COL4A5: variants seen among roughly 807,000 people sequenced by gnomAD.
COL4A5 encodes collagen alpha-5(IV) chain.
A neutral mutation model predicts 130.2 loss-of-function variants in COL4A5; 26 were observed. That is an observed-to-expected ratio of 0.20 (90% CI 0.15 to 0.28). The LOEUF (loss-of-function observed/expected upper bound fraction) is 0.28. COL4A5 is among the 10% of genes least tolerant of loss of function. The pLI, the probability that COL4A5 is intolerant of heterozygous loss-of-function variation, is 1.00. For missense variants in COL4A5, 1,131 were observed against 1,344.3 expected, an observed-to-expected ratio of 0.84 and a Z score of 2.48; for synonymous variants, 496 against 439.6, an observed-to-expected ratio of 1.13 and a Z score of -1.60.
intron 29 of COL4A5, among the ~76,000 whole-genome samples, chrX:108,607,121 C>A (rs1195742532): frequency 9.9e-5 from 11 of 110,696 alleles, no homozygotes; most frequent in Non-Finnish European, 2.1e-4. Context: ...AATCCCAGCA[C>A]TTTGGGAGGC....
intron 1 of COL4A5, among the ~76,000 whole-genome samples, chrX:108,469,053 C>A (rs2064737645): frequency 9.4e-6 from 1 of 106,890 alleles, no homozygotes; most frequent in Non-Finnish European, 1.9e-5. Context: ...TTCAGATTTT[C>A]TATTTTTTCT....
At chrX:108,532,974 A>G (rs751019421) in intron 1 of COL4A5, among the ~76,000 whole-genome samples, 1 of 111,975 alleles carries the variant, frequency 8.9e-6, no homozygotes, top group African/African-American at 3.2e-5. Flanking sequence ...AAAGGAATCT[A>G]TACATTCAAC....
chrX:108,511,758 AAAG>A (rs2147592029), intron 1 of COL4A5, among the ~76,000 whole-genome samples: 1 of 112,143 alleles, frequency 8.9e-6, no homozygotes, highest in Admixed American at 9.5e-5. Context: ...ATCAGGTGCA[AAAG>A]AATAAAGTTG....
At chrX:108,474,077 A>G (rs899817983) in intron 1 of COL4A5, among the ~76,000 whole-genome samples, 2 of 111,189 alleles carry the variant, frequency 1.8e-5, no homozygotes, top group African/African-American at 6.5e-5. Flanking sequence ...GAAGGAAGAA[A>G]TTTTTTATGA....
chrX:108,623,123 A>T (rs929204318), intron 33 of COL4A5, among the ~76,000 whole-genome samples: 7 of 112,282 alleles, frequency 6.2e-5, no homozygotes, highest in African/African-American at 2.3e-4. Context: ...GGAAAAGGAT[A>T]TATAGCCACA....
intron 2 of COL4A5, among the ~76,000 whole-genome samples, chrX:108,555,319 T>A (rs1300411448): frequency 2.7e-5 from 3 of 112,218 alleles, no homozygotes; most frequent in Non-Finnish European, 5.6e-5. Context: ...AGTATCTCCA[T>A]TTTGACAGTC....
rs181834242 is a variant in COL4A5 at position 108,508,896 on chromosome X, A to G, written c.82-30850A>G. 3.7e-4 allele frequency among the ~76,000 whole-genome samples: 42 copies of G among 112,127 alleles called. No homozygotes were observed. In the East Asian group the frequency reaches 8.1e-3, roughly 22 times the overall value. On this transcript the variant is annotated intron_variant, in intron 1 of 52. Coordinates refer to ENST00000328300, the MANE Select transcript of COL4A5 (RefSeq NM_033380.3). ...AAATTGGACCCCTTCCTTACATCAC[A>G]TACAAAAATCAACTCAAAATGTATT...
intron 36 of COL4A5, chrX:108,627,340 T>A: frequency 1.4e-6 from 1 of 726,221 alleles, no homozygotes; most frequent in Non-Finnish European, 1.6e-6. Context: ...AGGCCCACTG[T>A]CAATAGTTGA....
Position 108,578,364 on chromosome X carries a change from A to G in COL4A5, c.761A>G (p.Glu254Gly), listed in dbSNP as rs773050994. ...GAACAGAAAAGACCAATTGATGTAGAGTTTCAGAAAGGAGATCAGGTGAGT... is the reference window on the plus strand; with the variant it reads ...GAACAGAAAAGACCAATTGATGTAGGGTTTCAGAAAGGAGATCAGGTGAGT... ...ISEQKRPIDV[E>G]FQKGDQGLPG... The change falls in exon 13 of 53, where the codon GAG (glutamate) becomes GGG (glycine). Residue 254 changes from glutamate (E) to glycine (G), a missense_variant. Coordinates refer to ENST00000328300, the MANE Select transcript of COL4A5 (RefSeq NM_033380.3). 8.3e-7 allele frequency: 1 copy of G among 1,202,737 alleles called. No homozygotes were observed. The highest frequency in any genetic ancestry group is 1.8e-5 in the South Asian group (1 of 56,651).
intron 42 of COL4A5, among the ~76,000 whole-genome samples, chrX:108,673,203 C>T (rs945057059): frequency 2.7e-5 from 3 of 111,558 alleles, no homozygotes; most frequent in Non-Finnish European, 5.6e-5. Flanking sequence ...TTAAAACATT[C>T]CTGTGAGGGA....
rs112785077 is a variant in COL4A5 at position 108,599,840 on chromosome X, A to G, written c.1948+970A>G. Among the ~76,000 whole-genome samples the G allele has an allele frequency of 7.1e-3, 801 of 112,408 alleles. 4 individuals are homozygous for G. The highest frequency in any genetic ancestry group is 0.037 in the East Asian group (131 of 3,573). On this transcript the variant is annotated intron_variant, in intron 25 of 52. Coordinates refer to ENST00000328300, the MANE Select transcript of COL4A5 (RefSeq NM_033380.3). ...CCTAAAGTATTTACTCTGGTCCTTTACACAAAAGGCTTACCAATACCTGGG... is the reference window on the plus strand; with the variant it reads ...CCTAAAGTATTTACTCTGGTCCTTTGCACAAAAGGCTTACCAATACCTGGG...
chrX:108,626,668 G>A lies in COL4A5; in HGVS notation c.3246+319G>A. ...TCCCTTTTTAGTGATGGAGTTGTTGGCCTTTGTCCTAATGTTATTATTAAC... is the reference window on the plus strand; with the variant it reads ...TCCCTTTTTAGTGATGGAGTTGTTGACCTTTGTCCTAATGTTATTATTAAC... On this transcript the variant is annotated intron_variant, in intron 36 of 52. Coordinates refer to ENST00000328300, the MANE Select transcript of COL4A5 (RefSeq NM_033380.3). 6.0e-6 allele frequency: 6 copies of A among 998,182 alleles called. No homozygotes were observed. The South Asian group carries it at 1.5e-4, about 25-fold the overall frequency. The allele number at this position is 998,182 out of a possible 1,213,427, so 82.3% of individuals were successfully genotyped here.
chrX:108,601,368 AC>A, intron 25 of COL4A5, 24 bp from the exon 26 acceptor site: 1 of 1,067,517 alleles, frequency 9.4e-7, no homozygotes, highest in Non-Finnish European at 1.3e-6. Context: ...CTTCTCATTT[AC>A]CATTGATTTA....
rs780845413 is a variant in COL4A5 at position 108,573,636 on chromosome X, A to G, written c.528A>G (p.Pro176=). The change falls in exon 9 of 53, where the codon CCA becomes CCG. Residue 176 remains proline (P), a synonymous_variant. Transcript: ENST00000328300. ...LPGPKGNPGY[P]GPPGIQGLPG... ...GACCAAAGGGTAATCCAGGATATCC[A>G]GGTCCTCCTGGAATACAAGTAAGTA... 1.3e-5 allele frequency: 16 copies of G among 1,194,053 alleles called. No individual in the cohort carries two copies. The African/African-American group carries it at 2.6e-4, about 20-fold the overall frequency.
At chrX:108,590,191 T>TA (rs751981225) in intron 19 of COL4A5, among the ~76,000 whole-genome samples, 15 of 111,372 alleles carry the variant, frequency 1.3e-4, no homozygotes, top group African/African-American at 2.3e-4. Context: ...CAGAAAGCTT[T>TA]AAAAAATCCA....
chrX:108,687,545 G>A lies in COL4A5; in HGVS notation c.4379G>A (p.Gly1460Glu). 1 of 1,211,553 alleles carries A rather than the reference G, an allele frequency of 8.3e-7. No homozygotes were observed. The change falls in exon 49 of 53, where the codon GGA (glycine) becomes GAA (glutamate). Residue 1460 changes from glycine (G) to glutamate (E), a missense_variant. Gly to Glu is a moderately conservative substitution (Grantham distance 98). Coordinates refer to ENST00000328300, the MANE Select transcript of COL4A5 (RefSeq NM_033380.3). ...DGLQGPPGPP[G>E]TSSVAHGFLI... Reference sequence around the variant, plus strand: ...TTGCAAGGTCCCCCAGGTCCCCCTGGAACCTCCTCTGTTGCACATGGATTT... The same window carrying A: ...TTGCAAGGTCCCCCAGGTCCCCCTGAAACCTCCTCTGTTGCACATGGATTT...
At chrX:108,520,339 C>T (rs1262230339) in intron 1 of COL4A5, among the ~76,000 whole-genome samples, 1 of 111,204 alleles carries the variant, frequency 9.0e-6, no homozygotes, top group African/African-American at 3.3e-5. Flanking sequence ...ATAAATATCC[C>T]GGATGTGCCT....
Position 108,696,638 on chromosome X carries a change from A to G in COL4A5, c.*260A>G, listed in dbSNP as rs540226075. On this transcript the variant is annotated 3_prime_UTR_variant, in exon 53 of 53. Transcript: ENST00000328300. ...TTTTGGGTCCAGAATGACTTTCTCC[A>G]AGAATTATAAGATGAAAATTATATA... 4.7e-4 allele frequency: 100 copies of G among 214,934 alleles called. No homozygotes were observed. In the South Asian group the frequency reaches 0.015, roughly 33 times the overall value. 17.7% of individuals were successfully genotyped at this position (214,934 alleles called of 1,213,427 possible). A position where few individuals can be genotyped will look rare whatever the true frequency, so the allele number is the denominator to read the frequency against.
Position 108,473,633 on chromosome X carries a change from A to ATATATATATATATATATTTT in COL4A5, c.81+33428_81+33429insATATATATATATATATTTTT. 8.4e-3 allele frequency among the ~76,000 whole-genome samples: 289 copies of ATATATATATATATATATTTT among 34,489 alleles called. 9 individuals carry two copies. Among genetic ancestry groups the ATATATATATATATATATTTT allele is most frequent in the Non-Finnish European group, 0.014 (226 of 16,508 alleles). 29.9% of individuals were successfully genotyped at this position (34,489 alleles called of 115,157 possible). On this transcript the variant is annotated intron_variant, in intron 1 of 52. Coordinates refer to ENST00000328300, the MANE Select transcript of COL4A5 (RefSeq NM_033380.3). ...TATATGTATATATATATATATATAT[A>ATATATATATATATATATTTT]TTTTTTTTTTTTTGAGATGAAGTCT...
Sources: gnomAD v4.1 joint callset for allele counts (sites outside exome capture counted in the v4.1 genomes callset) on GRCh38, gnomAD v4.1.1 for gene constraint, MANE v1.5 for transcripts, NCBI Gene and HGNC (gene_info 2026-07-23, HGNC 2026-07-21) for gene names.